The following MTCL1 variants were observed in gnomAD, a reference collection of about 807,000 sequenced individuals.
MTCL1 encodes microtubule crosslinking factor 1.
MTCL1 carries 79 observed loss-of-function variants against 141.4 expected under a neutral mutation model. The ratio of observed to expected loss-of-function variants is 0.56; its 90% CI spans 0.47 to 0.67. The LOEUF is 0.67. Among genes scored for constraint, MTCL1 ranks in the 30% least tolerant of loss-of-function variants. MTCL1 has a pLI of 0.00. For synonymous variants in MTCL1, 914 were observed against 875.8 expected (o/e 1.04, Z -0.77); for missense variants, 2,177 against 2,113.9 (o/e 1.03, Z -0.59).
exon 15 of MTCL1, chr18:8,824,774 G>T: frequency 1.9e-5 from 30 of 1,614,156 alleles, no homozygotes; most frequent in Non-Finnish European, 2.5e-5. Context: ...AGAAGGGCCT[G>T]CCGTCCACCA....
At chr18:8,740,370 T>A (rs1206716411) in intron 4 of MTCL1, among the ~76,000 whole-genome samples, 1 of 147,092 alleles carries the variant, frequency 6.8e-6, no homozygotes, top group Non-Finnish European at 1.5e-5. Context: ...CAAACATCAG[T>A]TTTATTTGTA....
chr18:8,725,930 C>T (rs2096207338), intron 4 of MTCL1, among the ~76,000 whole-genome samples: 1 of 151,742 alleles, frequency 6.6e-6, no homozygotes, highest in Non-Finnish European at 1.5e-5. Flanking sequence ...GCTGGGACTA[C>T]AGGCACCCGC....
At chr18:8,805,620 G>A (rs1392812923) in intron 10 of MTCL1, among the ~76,000 whole-genome samples, 4 of 152,198 alleles carry the variant, frequency 2.6e-5, no homozygotes, top group East Asian at 1.9e-4. Context: ...AGGGGTCCCA[G>A]TGTACTTGCT....
At chr18:8,765,727 C>T (rs149769017) in intron 4 of MTCL1, among the ~76,000 whole-genome samples, 86 of 152,246 alleles carry the variant, frequency 5.6e-4, no homozygotes, top group African/African-American at 2.0e-3. Flanking sequence ...AATCGAGAAC[C>T]GAAGCATTAG....
At chr18:8,796,632 TAGATA>T (rs1380804302) in intron 9 of MTCL1, among the ~76,000 whole-genome samples, 170 bp downstream of exon 8, 1 of 152,208 alleles carries the variant, frequency 6.6e-6, no homozygotes. Context: ...TACAGACACT[TAGATA>T]AGAGAAAATT....
intron 4 of MTCL1, among the ~76,000 whole-genome samples, chr18:8,762,615 A>G (rs2096438128): frequency 6.6e-6 from 1 of 152,244 alleles, no homozygotes; most frequent in African/African-American, 2.4e-5. Context: ...GAAATTGATG[A>G]TGACTTCGTG....
chr18:8,726,783 G>C (rs2096218400), intron 4 of MTCL1, among the ~76,000 whole-genome samples: 1 of 152,074 alleles, frequency 6.6e-6, no homozygotes, highest in Non-Finnish European at 1.5e-5. Flanking sequence ...CCAGGGTTTT[G>C]GTAATTCTTT....
intron 4 of MTCL1, among the ~76,000 whole-genome samples, chr18:8,735,120 T>C (rs1217372974): frequency 6.6e-6 from 1 of 152,206 alleles, no homozygotes; most frequent in African/African-American, 2.4e-5. Context: ...TTCACAGTCA[T>C]GAGTTTTATA....
chr18:8,735,008 C>T lies in MTCL1; in HGVS notation c.357+14512C>T, dbSNP rs1338137706. 2.0e-5 allele frequency among the ~76,000 whole-genome samples: 3 copies of T among 152,194 alleles called. No individual in the cohort carries two copies. In the East Asian group the frequency reaches 5.8e-4, roughly 29 times the overall value. On this transcript the variant is annotated intron_variant, in intron 4 of 16. Transcript: ENST00000359865. ...GTTTCCCAAACTGGCGTTTTGTGAA[C>T]ATGAGGCTTCGGAGTCACTTGTTTG...
chr18:8,744,343 C>T (rs1407770417), intron 4 of MTCL1, among the ~76,000 whole-genome samples: 1 of 152,258 alleles, frequency 6.6e-6, no homozygotes, highest in Non-Finnish European at 1.5e-5. Context: ...AGAACTTCCT[C>T]TTTGAAAGAT....
intron 4 of MTCL1, among the ~76,000 whole-genome samples, chr18:8,773,256 G>C (rs546942886): frequency 2.6e-5 from 4 of 152,174 alleles, no homozygotes; most frequent in Non-Finnish European, 4.4e-5. Flanking sequence ...TGCACCCCCT[G>C]CCATGCTGCG....
intron 4 of MTCL1, among the ~76,000 whole-genome samples, chr18:8,725,252 A>C (rs2096200644): frequency 6.6e-6 from 1 of 152,220 alleles, no homozygotes; most frequent in African/African-American, 2.4e-5. Flanking sequence ...GAGGGAACCA[A>C]CTAAGAGACG....
chr18:8,769,322 T>C (rs532817202), intron 4 of MTCL1, among the ~76,000 whole-genome samples: 1 of 152,308 alleles, frequency 6.6e-6, no homozygotes, highest in South Asian at 2.1e-4. Flanking sequence ...GAAGGATACT[T>C]TGTTTTTGGT....
At chr18:8,762,236 C>T (rs760376872) in intron 4 of MTCL1, among the ~76,000 whole-genome samples, 7 of 152,200 alleles carry the variant, frequency 4.6e-5, no homozygotes, top group Admixed American at 2.6e-4. Flanking sequence ...TTCAAGGACA[C>T]CTCGCCGAAT....
At chr18:8,741,098 C>T (rs1055744048) in intron 4 of MTCL1, among the ~76,000 whole-genome samples, 7 of 152,228 alleles carry the variant, frequency 4.6e-5, no homozygotes, top group Non-Finnish European at 7.3e-5. Flanking sequence ...CTTGAGTCCC[C>T]ATCAAATGTT....
chr18:8,786,110 T>TCCA lies in MTCL1; in HGVS notation c.1887+21_1887+22insACC, dbSNP rs1555655918. On this transcript the variant is annotated intron_variant, in intron 7 of 16. Coordinates refer to ENST00000359865, the Ensembl canonical transcript of MTCL1. The stretch of plus-strand genomic sequence containing the variant: ...CCTGGAGGTCAGCGTGGGCAAGCAA[T>TCCA]CCCCCCCCCCCGCCCTCCCCCTCCT... The TCCA allele has an allele frequency of 5.3e-6, 7 of 1,310,348 alleles. No homozygotes were observed. Among genetic ancestry groups the TCCA allele is most frequent in the East Asian group, 3.0e-5 (1 of 33,274 alleles). 81.2% of individuals were successfully genotyped at this position (1,310,348 alleles called of 1,614,324 possible).
intron 12 of MTCL1, among the ~76,000 whole-genome samples, chr18:8,814,527 A>G (rs558741928): frequency 6.6e-6 from 1 of 152,310 alleles, no homozygotes; most frequent in Non-Finnish European, 1.5e-5. Context: ...CCTGTATTAA[A>G]TCTCCTGTGT....
chr18:8,763,381 C>A (rs1036221257), intron 4 of MTCL1, among the ~76,000 whole-genome samples: 1 of 152,246 alleles, frequency 6.6e-6, no homozygotes, highest in African/African-American at 2.4e-5. Context: ...CACCACAGAA[C>A]AGAATCTAAG....
chr18:8,824,631 A>C, intron 14 of MTCL1, 68 bp from the exon 14 acceptor site: 1 of 1,367,374 alleles, frequency 7.3e-7, no homozygotes, highest in South Asian at 1.4e-5. Context: ...GCAGGGCAGG[A>C]CATGGGTGTT....
Sources: gnomAD v4.1 joint callset for allele counts (sites outside exome capture counted in the v4.1 genomes callset) on GRCh38, gnomAD v4.1.1 for gene constraint, MANE v1.5 for transcripts, NCBI Gene and HGNC (gene_info 2026-07-23, HGNC 2026-07-21) for gene names.